PTPN4: variants seen among roughly 807,000 people sequenced by gnomAD.
PTPN4 encodes tyrosine-protein phosphatase non-receptor type 4.
Under a neutral mutation model 135.5 loss-of-function variants are expected in PTPN4, and 49 were observed. The ratio of observed to expected loss-of-function variants is 0.36; its 90% CI spans 0.29 to 0.46. PTPN4 has a LOEUF of 0.46. Among genes scored for constraint, PTPN4 ranks in the 20% least tolerant of loss-of-function variants. PTPN4 has a pLI of 1.00. For synonymous variants in PTPN4, 333 were observed against 369.9 expected, an observed-to-expected ratio of 0.90 and a Z score of 1.14; for missense variants, 860 against 1,101.0, an observed-to-expected ratio of 0.78 and a Z score of 3.10.
intron 12 of PTPN4, 43 bp from the exon 13 acceptor site, chr2:119,926,555 G>T: frequency 7.4e-7 from 1 of 1,352,330 alleles, no homozygotes; most frequent in Non-Finnish European, 1.0e-6. Flanking sequence ...TTATCTTATA[G>T]TTCTCTTAAG....
chr2:119,782,700 A>ACTCC (rs1690963689), intron 1 of PTPN4, among the ~76,000 whole-genome samples: 1 of 49,930 alleles, frequency 2.0e-5, no homozygotes, highest in Admixed American at 2.3e-4. Flanking sequence ...AGGCTATGAA[A>ACTCC]CCCCCCCACC....
intron 1 of PTPN4, among the ~76,000 whole-genome samples, chr2:119,778,289 C>T (rs1690875708): frequency 6.6e-6 from 1 of 152,096 alleles, no homozygotes. Flanking sequence ...GTTTCTAGTA[C>T]TTAGGTAATG....
At chr2:119,816,953 AC>A (rs1334691458) in intron 2 of PTPN4, among the ~76,000 whole-genome samples, 1 of 152,186 alleles carries the variant, frequency 6.6e-6, no homozygotes, top group Admixed American at 6.5e-5. Context: ...AAGTTGATTC[AC>A]CTGGTTTATT....
chr2:119,833,042 T>G (rs1172894119), intron 2 of PTPN4, among the ~76,000 whole-genome samples: 1 of 152,190 alleles, frequency 6.6e-6, no homozygotes, highest in East Asian at 1.9e-4. Context: ...TTAATGGTTA[T>G]AGGTCTAAGT....
chr2:119,844,099 A>G (rs868496564), intron 2 of PTPN4, among the ~76,000 whole-genome samples: 110 of 3,004 alleles, frequency 0.037, no homozygotes, highest in South Asian at 0.067. Flanking sequence ...GGCCGGGCGG[A>G]GGGCTGACCC....
chr2:119,888,255 T>C (rs542342381), intron 9 of PTPN4, among the ~76,000 whole-genome samples: 1 of 152,272 alleles, frequency 6.6e-6, no homozygotes, highest in South Asian at 2.1e-4. Flanking sequence ...GTGGAGTCTT[T>C]AGGTTTTTTT....
chr2:119,846,183 C>G (rs565113796), intron 2 of PTPN4, among the ~76,000 whole-genome samples: 8 of 152,276 alleles, frequency 5.3e-5, no homozygotes, highest in African/African-American at 1.9e-4. Flanking sequence ...ATGGAGTGTT[C>G]TGTCTGACCT....
chr2:119,788,910 T>C (rs1445997004), intron 1 of PTPN4, among the ~76,000 whole-genome samples: 2 of 152,174 alleles, frequency 1.3e-5, no homozygotes, highest in African/African-American at 4.8e-5. Flanking sequence ...GGGACCCAGC[T>C]TTCAGTTATT....
Position 119,957,009 on chromosome 2 carries a change from T to G in PTPN4, c.2072-7T>G. The G allele has an allele frequency of 1.2e-6, 2 of 1,608,902 alleles. No homozygotes were observed. Among genetic ancestry groups the G allele is most frequent in the South Asian group, 1.1e-5 (1 of 89,740 alleles). ...ACTAAAACATTATTTCTTTTAAATT[T>G]TTTTAGATGATGCCACACGGGTCAT... is the stretch of plus-strand genomic sequence containing the variant. On this transcript the variant is annotated splice_region_variant and splice_polypyrimidine_tract_variant and intron_variant, in intron 21 of 26. Coordinates refer to ENST00000263708, the MANE Select transcript of PTPN4 (RefSeq NM_002830.4).
chr2:119,786,950 T>C (rs563446030), intron 1 of PTPN4, among the ~76,000 whole-genome samples: 3 of 152,296 alleles, frequency 2.0e-5, no homozygotes, highest in Admixed American at 6.5e-5. Context: ...CTTACTATAA[T>C]ACAGTTCTAA....
At chr2:119,961,098 T>A in intron 23 of PTPN4, 145 bp downstream of exon 23, 2 of 925,568 alleles carry the variant, frequency 2.2e-6, no homozygotes, top group Non-Finnish European at 3.1e-6. Flanking sequence ...TCATCATGTT[T>A]AAGTGCATAA....
chr2:119,848,073 G>T (rs926874648), intron 2 of PTPN4, among the ~76,000 whole-genome samples: 1 of 149,924 alleles, frequency 6.7e-6, no homozygotes, highest in African/African-American at 2.5e-5. Context: ...TGCATTTATT[G>T]TACTTACAGT....
At position 119,984,838 on chromosome 2, in the gene PTPN4, C is replaced by T. The variant is rs1679741667; in HGVS notation, c.*7768C>T. On this transcript the variant is annotated 3_prime_UTR_variant, in exon 27 of 27. Transcript: ENST00000263708. ...GTTGTTCAGGTACAAACATGACAAA[C>T]AACTCTAGCTATGACTCTTAATGTT... 6.6e-6 allele frequency among the ~76,000 whole-genome samples: 1 copy of T among 152,182 alleles called. No homozygotes were observed. Among genetic ancestry groups the T allele is most frequent in the East Asian group, 1.9e-4 (1 of 5,204 alleles).
intron 23 of PTPN4, among the ~76,000 whole-genome samples, chr2:119,961,591 A>C (rs969481986): frequency 6.6e-6 from 1 of 152,264 alleles, no homozygotes; most frequent in African/African-American, 2.4e-5. Flanking sequence ...TGTCCACACA[A>C]AAATTTGTAC....
At chr2:119,897,971 C>G (rs1442944197) in intron 9 of PTPN4, among the ~76,000 whole-genome samples, 13 of 152,118 alleles carry the variant, frequency 8.5e-5, no homozygotes. Flanking sequence ...GTAGTTGGTC[C>G]GTGAAGAGAC....
intron 1 of PTPN4, among the ~76,000 whole-genome samples, chr2:119,800,033 G>A (rs1169727562): frequency 6.6e-6 from 1 of 151,934 alleles, no homozygotes; most frequent in African/African-American, 2.4e-5. Context: ...ATTCTTTTTG[G>A]GTAAAAGGGA....
At chr2:119,820,149 C>T (rs1319439713) in intron 2 of PTPN4, among the ~76,000 whole-genome samples, 4 of 152,206 alleles carry the variant, frequency 2.6e-5, no homozygotes, top group Non-Finnish European at 5.9e-5. Context: ...GCATGAGCCG[C>T]GGTGCCTGGC....
At chr2:119,906,342 AAG>A (rs1239202487) in intron 10 of PTPN4, among the ~76,000 whole-genome samples, 1 of 152,166 alleles carries the variant, frequency 6.6e-6, no homozygotes, top group East Asian at 1.9e-4. Flanking sequence ...AAAAAAAGAA[AAG>A]ACAGAAAAAA....
intron 10 of PTPN4, among the ~76,000 whole-genome samples, chr2:119,906,231 T>C (rs1253977337): frequency 6.6e-6 from 1 of 152,012 alleles, no homozygotes; most frequent in African/African-American, 2.4e-5. Context: ...TATCTAGGTG[T>C]GGTGGCACAT....
Sources: gnomAD v4.1 joint callset for allele counts (sites outside exome capture counted in the v4.1 genomes callset) on GRCh38, gnomAD v4.1.1 for gene constraint, MANE v1.5 for transcripts, NCBI Gene and HGNC (gene_info 2026-07-23, HGNC 2026-07-21) for gene names.